Variants in RAB21 observed in about 807,000 individuals in gnomAD.
RAB21 encodes the protein ras-related protein Rab-21.
Under a neutral mutation model 33.1 loss-of-function variants are expected in RAB21, and 13 were observed. That is an observed-to-expected ratio of 0.39 (90% CI 0.26 to 0.62). The LOEUF (loss-of-function observed/expected upper bound fraction) is 0.62, where lower values mean the gene tolerates loss of function less well. Ranked by LOEUF, RAB21 falls within the 20% of genes least tolerant of loss-of-function variation. The pLI, the probability that RAB21 is intolerant of heterozygous loss-of-function variation, is 0.48. For missense variants in RAB21, 234 were observed against 279.1 expected, an observed-to-expected ratio of 0.84 and a Z score of 1.15; for synonymous variants, 91 against 103.7, an observed-to-expected ratio of 0.88 and a Z score of 0.74.
intron 3 of RAB21, among the ~76,000 whole-genome samples, chr12:71,773,371 A>G (rs77944562): frequency 0.024 from 3,694 of 152,328 alleles, 167 homozygotes; most frequent in African/African-American, 0.084. Flanking sequence ...GTTACTAAAC[A>G]TACATTGCAC....
At chr12:71,759,384 CAGAG>C (rs142566820) in intron 1 of RAB21, among the ~76,000 whole-genome samples, 1 of 152,242 alleles carries the variant, frequency 6.6e-6, no homozygotes, top group Middle Eastern at 3.4e-3. Flanking sequence ...TGAAAGAAAG[CAGAG>C]AGAGAGGGCC....
chr12:71,768,203 T>G (rs1015622044), intron 1 of RAB21, among the ~76,000 whole-genome samples: 6 of 152,172 alleles, frequency 3.9e-5, no homozygotes, highest in Admixed American at 2.6e-4. Flanking sequence ...CCATTTATAT[T>G]TATCTGTAGA....
chr12:71,774,137 A>C lies in RAB21; in HGVS notation c.391+115A>C, dbSNP rs11178941. ...GAGAAAGGAAGAATGGCATATTAAT[A>C]TAAATATTTTAGAATAATTTAGGAT... is the stretch of plus-strand genomic sequence containing the variant. On this transcript the variant is annotated intron_variant, in intron 4 of 6. Coordinates refer to ENST00000261263, the MANE Select transcript of RAB21 (RefSeq NM_014999.4). 679 of 641,520 alleles carry C rather than the reference A, an allele frequency of 1.1e-3. 5 individuals carry two copies. In the East Asian group the frequency reaches 0.021, roughly 20 times the overall value. 39.7% of individuals were successfully genotyped at this position (641,520 alleles called of 1,614,324 possible).
chr12:71,782,382 G>A (rs1469349279), intron 5 of RAB21, 188 bp from the exon 6 acceptor site: 20 of 511,414 alleles, frequency 3.9e-5, no homozygotes, highest in African/African-American at 1.2e-4. Context: ...TAAAAATTTC[G>A]AGGCTTGTTA....
chr12:71,779,962 A>C (rs1020272477), intron 4 of RAB21, among the ~76,000 whole-genome samples: 1 of 152,238 alleles, frequency 6.6e-6, no homozygotes, highest in Admixed American at 6.5e-5. Context: ...GTCAGTCACT[A>C]GCCAGTCAGG....
chr12:71,785,292 A>G (rs328739), intron 6 of RAB21, among the ~76,000 whole-genome samples: 50,076 of 152,038 alleles, frequency 0.33, 12,301 homozygotes, highest in African/African-American at 0.67. Context: ...CTTTATTGAT[A>G]TCACTGTGGC....
rs56100239 is a variant in RAB21 at position 71,786,584 on chromosome 12, G to A, written c.*911G>A. On this transcript the variant is annotated 3_prime_UTR_variant, in exon 7 of 7. Coordinates refer to ENST00000261263, the MANE Select transcript of RAB21 (RefSeq NM_014999.4). ...AAATATTTTATCTGCTTTTACAAGC[G>A]CAAGGTGCAAAAATATATACAATAG... 2,167 of 152,618 alleles carry A rather than the reference G, an allele frequency of 0.014. 26 individuals are homozygous for A. The highest frequency in any genetic ancestry group is 0.025 in the Non-Finnish European group (1,678 of 68,004). 9.5% of individuals were successfully genotyped at this position (152,618 alleles called of 1,614,324 possible).
rs918203027 is a variant in RAB21 at position 71,789,804 on chromosome 12, G to C, written c.*4131G>C. 6.6e-6 allele frequency: 1 copy of C among 152,026 alleles called. No individual in the cohort carries two copies. The highest frequency in any genetic ancestry group is 2.4e-5 in the African/African-American group (1 of 41,416). The allele number at this position is 152,026 out of a possible 1,614,324, so 9.4% of individuals were successfully genotyped here. ...CAACTATAACAGAGTAATATATTTG[G>C]TGTTCTGGACCAAAATTCGTGCTAC... On this transcript the variant is annotated 3_prime_UTR_variant, in exon 7 of 7. Coordinates refer to ENST00000261263, the MANE Select transcript of RAB21 (RefSeq NM_014999.4).
Position 71,777,441 on chromosome 12 carries a change from A to G in RAB21, c.391+3419A>G, listed in dbSNP as rs150248221. Among the ~76,000 whole-genome samples, 53 of 152,170 alleles carry G rather than the reference A, an allele frequency of 3.5e-4. 1 individual carries two copies. The highest frequency in any genetic ancestry group is 1.1e-3 in the African/African-American group (44 of 41,510). ...TACTCCACAGTTTATCTGTTTTGCT[A>G]TTGATGGACATTTGCATTGTTTTTC... On this transcript the variant is annotated intron_variant, in intron 4 of 6. Transcript: ENST00000261263.
chr12:71,760,956 A>G (rs1882864298), intron 1 of RAB21, among the ~76,000 whole-genome samples: 1 of 152,048 alleles, frequency 6.6e-6, no homozygotes, highest in Non-Finnish European at 1.5e-5. Flanking sequence ...CTATAATCCC[A>G]TGCTTTGGGA....
Position 71,786,148 on chromosome 12 carries a change from G to T in RAB21, c.*475G>T, listed in dbSNP as rs976889438. The T allele has an allele frequency of 6.5e-6, 1 of 153,132 alleles. No individual in the cohort carries two copies. The highest frequency in any genetic ancestry group is 2.4e-5 in the African/African-American group (1 of 41,396). 9.5% of individuals were successfully genotyped at this position (153,132 alleles called of 1,614,324 possible). ...GATCTCCTGACCTTGTGATCCGCCCGCCTCGGCCTCCCAAAGTGCTGGGAT... is the reference window on the plus strand; with the variant it reads ...GATCTCCTGACCTTGTGATCCGCCCTCCTCGGCCTCCCAAAGTGCTGGGAT... On this transcript the variant is annotated 3_prime_UTR_variant, in exon 7 of 7. Coordinates refer to ENST00000261263, the MANE Select transcript of RAB21 (RefSeq NM_014999.4).
In RAB21 at chr12:71,792,627, T is replaced by A. The variant is rs1302174966; in HGVS notation, c.*6954T>A. 1 of 152,226 alleles carries A rather than the reference T, an allele frequency of 6.6e-6. No homozygotes were observed. Among genetic ancestry groups the A allele is most frequent in the South Asian group, 2.1e-4 (1 of 4,832 alleles). 9.4% of individuals were successfully genotyped at this position (152,226 alleles called of 1,614,324 possible). A position where few individuals can be genotyped will look rare whatever the true frequency, so the allele number is the denominator to read the frequency against. The stretch of plus-strand genomic sequence containing the variant: ...GAGTTTAATAATTGTTTCTGTATTT[T>A]AAAAAATTTTAAAACATTCAGCTTT... On this transcript the variant is annotated 3_prime_UTR_variant, in exon 7 of 7. Transcript: ENST00000261263.
intron 6 of RAB21, among the ~76,000 whole-genome samples, chr12:71,783,248 C>A (rs1444403953): frequency 6.6e-6 from 1 of 151,744 alleles, no homozygotes; most frequent in African/African-American, 2.4e-5. Context: ...TTTCATTATG[C>A]TGTATTTTCT....
chr12:71,755,886 C>T (rs115633800), intron 1 of RAB21, among the ~76,000 whole-genome samples: 1 of 152,092 alleles, frequency 6.6e-6, no homozygotes, highest in Non-Finnish European at 1.5e-5. Flanking sequence ...GTCGATTGAC[C>T]CACGCTGAAA....
intron 1 of RAB21, among the ~76,000 whole-genome samples, chr12:71,762,407 G>A (rs1433855081): frequency 3.3e-5 from 5 of 152,046 alleles, no homozygotes; most frequent in Admixed American, 6.6e-5. Context: ...CCAGGTTCAC[G>A]CCATTCTCCT....
rs1883392972 is a variant in RAB21 at position 71,792,038 on chromosome 12, A to G, written c.*6365A>G. ...TAACACCACCACCCACGCCTGGCTA[A>G]TTGTTTTGTTTTTTTTGTGGAGATG... On this transcript the variant is annotated 3_prime_UTR_variant, in exon 7 of 7. Coordinates refer to ENST00000261263, the MANE Select transcript of RAB21 (RefSeq NM_014999.4). 1 of 151,922 alleles carries G rather than the reference A, an allele frequency of 6.6e-6. No individual in the cohort carries two copies. The highest frequency in any genetic ancestry group is 6.6e-5 in the Admixed American group (1 of 15,244). 9.4% of individuals were successfully genotyped at this position (151,922 alleles called of 1,614,324 possible).
At position 71,785,716 on chromosome 12, in the gene RAB21, A is replaced by T; in HGVS notation, c.*43A>T. ...ATTAAAAGACAGAACAAAACTGTGGATCATTGCCCTCAACATGAAGACTGC... is the reference window on the plus strand; with the variant it reads ...ATTAAAAGACAGAACAAAACTGTGGTTCATTGCCCTCAACATGAAGACTGC... On this transcript the variant is annotated 3_prime_UTR_variant, in exon 7 of 7. Coordinates refer to ENST00000261263, the MANE Select transcript of RAB21 (RefSeq NM_014999.4). The T allele has an allele frequency of 6.2e-7, 1 of 1,606,912 alleles. No homozygotes were observed. The highest frequency in any genetic ancestry group is 8.5e-7 in the Non-Finnish European group (1 of 1,174,428).
chr12:71,781,902 T>A (rs1375329603), intron 4 of RAB21, 129 bp from the exon 5 acceptor site: 1 of 659,020 alleles, frequency 1.5e-6, no homozygotes, highest in Non-Finnish European at 2.6e-6. Flanking sequence ...TTCAAGACAT[T>A]AGAAGTCTGG....
chr12:71,776,587 A>G (rs1565891629), intron 4 of RAB21, among the ~76,000 whole-genome samples: 1 of 152,112 alleles, frequency 6.6e-6, no homozygotes, highest in Non-Finnish European at 1.5e-5. Context: ...AGTGTGAAGT[A>G]TAGAAAGCTC....
Sources: allele counts gnomAD v4.1 joint callset (sites outside exome capture counted in the v4.1 genomes callset), GRCh38; gene constraint gnomAD v4.1.1; transcripts MANE v1.5; gene names NCBI Gene and HGNC (gene_info 2026-07-23, HGNC 2026-07-21).